The following MTUS1 variants were observed in gnomAD, a reference collection of about 807,000 sequenced individuals.
The protein encoded by MTUS1 is microtubule-associated tumor suppressor 1.
MTUS1 carries 109 observed loss-of-function variants against 120.8 expected under a neutral mutation model. The observed-to-expected ratio is 0.90, with a 90% CI of 0.77 to 1.06. The LOEUF (loss-of-function observed/expected upper bound fraction) is 1.06. Among genes scored for constraint, MTUS1 ranks in the 50% least tolerant of loss-of-function variants. MTUS1 has a pLI of 0.00. For synonymous variants in MTUS1, 737 were observed against 550.5 expected (o/e 1.34, Z -4.74); for missense variants, 2,210 against 1,486.3 (o/e 1.49, Z -8.01).
intron 3 of MTUS1, among the ~76,000 whole-genome samples, chr8:17,741,127 C>T (rs1033180935): frequency 2.6e-5 from 4 of 152,154 alleles, no homozygotes; most frequent in Non-Finnish European, 5.9e-5. Flanking sequence ...GATCCACCTG[C>T]CTCAGCCTCC....
intron 1 of MTUS1, among the ~76,000 whole-genome samples, chr8:17,783,237 C>T (rs933290496): frequency 4.1e-4 from 63 of 152,184 alleles, no homozygotes; most frequent in African/African-American, 1.4e-3. Context: ...TAAGCACCTG[C>T]CCAGTGAAGT....
chr8:17,761,526 C>T (rs1203232421), intron 1 of MTUS1, among the ~76,000 whole-genome samples: 1 of 152,140 alleles, frequency 6.6e-6, no homozygotes, highest in East Asian at 1.9e-4. Flanking sequence ...CCTTATTTCA[C>T]CAACTGAACT....
chr8:17,787,581 A>C (rs1486730134), intron 1 of MTUS1, among the ~76,000 whole-genome samples: 2 of 152,348 alleles, frequency 1.3e-5, no homozygotes, highest in East Asian at 3.9e-4. Flanking sequence ...AGGAGCTCCT[A>C]AACTGACTCA....
intron 1 of MTUS1, among the ~76,000 whole-genome samples, chr8:17,764,110 T>TA (rs1439276527): frequency 6.6e-6 from 1 of 152,218 alleles, no homozygotes; most frequent in Admixed American, 6.5e-5. Flanking sequence ...TGATGATAGA[T>TA]ATTCTTAAAT....
At chr8:17,682,729 T>A (rs1351033768) in intron 7 of MTUS1, among the ~76,000 whole-genome samples, 1 of 151,988 alleles carries the variant, frequency 6.6e-6, no homozygotes, top group Non-Finnish European at 1.5e-5. Flanking sequence ...TATAATAAAA[T>A]AAAATAATTG....
Position 17,753,835 on chromosome 8 carries a change from T to G in MTUS1, c.1973A>C (p.Asn658Thr). 1 of 1,614,186 alleles carries G rather than the reference T, an allele frequency of 6.2e-7. No individual in the cohort carries two copies. The highest frequency in any genetic ancestry group is 8.5e-7 in the Non-Finnish European group (1 of 1,180,016). Residue 658 changes from asparagine to threonine, a missense_variant, in exon 2 of 15, where the codon AAC (asparagine) becomes ACC (threonine). Asn to Thr is a moderately conservative substitution (Grantham distance 65). Transcript: ENST00000693296. The part of the protein sequence containing the change: ...AECLEMTYVP[N>T]IDRISPEKKG... ...CTTTTCAGGGCTAATCCTATCAATG[T>G]TGGGAACATAGGTCATTTCCAAACA... is the stretch of plus-strand genomic sequence containing the variant.
chr8:17,674,666 G>A (rs1191762948), intron 8 of MTUS1: 13 of 986,894 alleles, frequency 1.3e-5, no homozygotes, highest in Admixed American at 6.1e-5. Context: ...CCTGTGGAGC[G>A]GGGAGGTGGT....
chr8:17,695,142 G>A (rs1355087599), intron 6 of MTUS1, among the ~76,000 whole-genome samples: 1 of 152,146 alleles, frequency 6.6e-6, no homozygotes, highest in African/African-American at 2.4e-5. Context: ...ACGATTTCTC[G>A]GACGTTAAAA....
chr8:17,658,030 C>G (rs1181096819), intron 8 of MTUS1, among the ~76,000 whole-genome samples: 1 of 93,362 alleles, frequency 1.1e-5, no homozygotes, highest in African/African-American at 5.0e-5. Flanking sequence ...TATAGACACA[C>G]ACACACACAC....
Position 17,649,918 on chromosome 8 carries a change from C to G in MTUS1, c.3429G>C (p.Leu1143=). 2 of 1,612,384 alleles carry G rather than the reference C, an allele frequency of 1.2e-6. No individual in the cohort carries two copies. Among genetic ancestry groups the G allele is most frequent in the Non-Finnish European group, 1.7e-6 (2 of 1,178,592 alleles). The part of the protein sequence containing the change: ...IMYLEQELES[L]KAVLEIKNEK... ...CATTCTTGATCTCTAACACAGCTTT[C>G]AGGCTTTCTAACTCCTGTTCTAGAT... is the stretch of plus-strand genomic sequence containing the variant. Residue 1143 remains leucine (L), a synonymous_variant, in exon 13 of 15, where the codon CTG becomes CTC. Transcript: ENST00000693296.
Position 17,722,432 on chromosome 8 carries a change from C to T in MTUS1, c.2449+1240G>A, listed in dbSNP as rs375065136. On this transcript the variant is annotated intron_variant, in intron 4 of 14. Coordinates refer to ENST00000693296, the MANE Select transcript of MTUS1 (RefSeq NM_001363059.2). ...CACGTGTGAATTACCTTTTCAAATT[C>T]AGAGTTCCCTCTTACATGCAAGCCT... is the stretch of plus-strand genomic sequence containing the variant. 272 of 985,398 alleles carry T rather than the reference C, an allele frequency of 2.8e-4. 1 individual carries two copies. The African/African-American group carries it at 4.6e-3, about 16-fold the overall frequency. The allele number at this position is 985,398 out of a possible 1,614,324, so 61.0% of individuals were successfully genotyped here. A position where few individuals can be genotyped will look rare whatever the true frequency, so the allele number is the denominator to read the frequency against.
chr8:17,750,227 G>T (rs544903087), intron 2 of MTUS1, among the ~76,000 whole-genome samples: 108 of 152,286 alleles, frequency 7.1e-4, no homozygotes, highest in Non-Finnish European at 1.2e-3. Context: ...ACAGCTGGAG[G>T]TCATGTTTTG....
intron 6 of MTUS1, among the ~76,000 whole-genome samples, chr8:17,695,247 C>T (rs538829258): frequency 6.6e-6 from 1 of 152,330 alleles, no homozygotes; most frequent in East Asian, 1.9e-4. Context: ...ACACACAAAA[C>T]GCTTCCTCCA....
At chr8:17,715,701 A>G in intron 5 of MTUS1, 66 bp downstream of exon 5, 1 of 1,483,112 alleles carries the variant, frequency 6.7e-7, no homozygotes, top group South Asian at 1.3e-5. Context: ...TCAAAATTTA[A>G]CTTTCTACAA....
At chr8:17,767,514 C>A (rs894380915) in intron 1 of MTUS1, among the ~76,000 whole-genome samples, 5 of 146,054 alleles carry the variant, frequency 3.4e-5, no homozygotes, top group African/African-American at 1.3e-4. Context: ...CTGGGCAACA[C>A]AGCAAAACCC....
chr8:17,773,864 T>C (rs530363366), intron 1 of MTUS1, among the ~76,000 whole-genome samples: 1 of 152,026 alleles, frequency 6.6e-6, no homozygotes. Flanking sequence ...TGGACACAGA[T>C]CTACACATGC....
At chr8:17,654,466 G>A (rs537605851) in intron 10 of MTUS1, 95 bp downstream of exon 10, 51 of 918,906 alleles carry the variant, frequency 5.6e-5, no homozygotes, top group Non-Finnish European at 7.9e-5. Flanking sequence ...CAGGGCATTC[G>A]CTGAAGCAGG....
chr8:17,793,441 A>G (rs777182965), intron 1 of MTUS1, among the ~76,000 whole-genome samples: 3 of 152,174 alleles, frequency 2.0e-5, no homozygotes, highest in Non-Finnish European at 4.4e-5. Context: ...AAGGAAATTA[A>G]TACCTGTGGT....
chr8:17,731,536 T>TA (rs906386126), intron 3 of MTUS1, among the ~76,000 whole-genome samples: 6 of 151,504 alleles, frequency 4.0e-5, no homozygotes, highest in African/African-American at 1.2e-4. Flanking sequence ...GATGAAACCA[T>TA]AAAAAAAATA....
Sources: gnomAD v4.1 joint callset for allele counts (sites outside exome capture counted in the v4.1 genomes callset) on GRCh38, gnomAD v4.1.1 for gene constraint, MANE v1.5 for transcripts, NCBI Gene and HGNC (gene_info 2026-07-23, HGNC 2026-07-21) for gene names.